Variants in EPHB2 observed in about 807,000 individuals in gnomAD.
EPHB2 encodes ephrin type-B receptor 2.
A neutral mutation model predicts 96.4 loss-of-function variants in EPHB2; 18 were observed. That is an observed-to-expected ratio of 0.19 (90% CI 0.13 to 0.28). EPHB2 has a LOEUF of 0.28. EPHB2 is among the 10% of genes least tolerant of loss of function. The probability of loss-of-function intolerance (pLI) is 1.00; values close to 1 mark genes in which losing one functional copy is unlikely to be tolerated. For missense variants in EPHB2, 989 were observed against 1,355.4 expected, an observed-to-expected ratio of 0.73 and a Z score of 4.25; for synonymous variants, 506 against 534.1, an observed-to-expected ratio of 0.95 and a Z score of 0.72.
intron 1 of EPHB2, among the ~76,000 whole-genome samples, chr1:22,742,156 C>T (rs1178756062): frequency 1.3e-5 from 2 of 152,132 alleles, no homozygotes; most frequent in Admixed American, 1.3e-4. Context: ...CCTCCTGGCC[C>T]ATATGAGCCC....
intron 1 of EPHB2, among the ~76,000 whole-genome samples, chr1:22,713,279 G>A (rs908093557): frequency 1.3e-5 from 2 of 152,176 alleles, no homozygotes; most frequent in African/African-American, 4.8e-5. Context: ...GGGAGATGGT[G>A]TGAGGTGGAG....
intron 1 of EPHB2, among the ~76,000 whole-genome samples, chr1:22,724,582 A>G (rs1643541621): frequency 6.6e-6 from 1 of 152,196 alleles, no homozygotes; most frequent in Admixed American, 6.5e-5. Flanking sequence ...TCGTTGCAAA[A>G]TAAGAAGTTG....
chr1:22,867,067 A>G (rs996908843), intron 5 of EPHB2, among the ~76,000 whole-genome samples: 6 of 152,238 alleles, frequency 3.9e-5, no homozygotes, highest in African/African-American at 1.4e-4. Context: ...GATGATGCTC[A>G]GACAAGTTGA....
chr1:22,713,890 T>G (rs948676478), intron 1 of EPHB2, among the ~76,000 whole-genome samples: 18 of 152,032 alleles, frequency 1.2e-4, no homozygotes, highest in African/African-American at 4.3e-4. Context: ...CCCCAAACTG[T>G]GAGACCGCCC....
At chr1:22,905,966 G>C (rs1639898331) in intron 9 of EPHB2, 21 bp from the exon 10 acceptor site, 2 of 1,614,056 alleles carry the variant, frequency 1.2e-6, no homozygotes, top group African/African-American at 2.7e-5. Context: ...CCATATGACA[G>C]AGCCTGGTCT....
chr1:22,900,910 C>T (rs542902945), intron 9 of EPHB2, among the ~76,000 whole-genome samples: 149 of 152,266 alleles, frequency 9.8e-4, no homozygotes, highest in African/African-American at 3.3e-3. Context: ...CCACACGGCC[C>T]CATGGTTTCC....
At chr1:22,870,026 A>G (rs986430239) in intron 5 of EPHB2, among the ~76,000 whole-genome samples, 46 of 152,248 alleles carry the variant, frequency 3.0e-4, no homozygotes, top group African/African-American at 1.1e-3. Context: ...GGGTGTGGAG[A>G]AGTGCAATCG....
intron 5 of EPHB2, among the ~76,000 whole-genome samples, chr1:22,868,462 A>C (rs1405080261): frequency 6.6e-6 from 1 of 152,092 alleles, no homozygotes; most frequent in Admixed American, 6.5e-5. Flanking sequence ...TTAAACAATA[A>C]ATATTTATTT....
intron 3 of EPHB2, among the ~76,000 whole-genome samples, chr1:22,787,135 G>C (rs1644623740): frequency 6.6e-6 from 1 of 152,198 alleles, no homozygotes. Flanking sequence ...TCTAGCAAGG[G>C]AGACAGACAA....
chr1:22,917,729 AG>A lies in EPHB2; in HGVS notation c.*4161del, dbSNP rs1640302960. ...AACACAGCCAGGAAGGAGCAGAGCA[AG>A]GCCATGAGCTTTGGATTTTTCTGTT... On this transcript the variant is annotated 3_prime_UTR_variant, in exon 16 of 16. Transcript: ENST00000374630. 6.6e-6 allele frequency: 1 copy of A among 152,326 alleles called. No individual in the cohort carries two copies. The highest frequency in any genetic ancestry group is 2.4e-5 in the African/African-American group (1 of 41,470). The allele number at this position is 152,326 out of a possible 1,614,324, so 9.4% of individuals were successfully genotyped here.
At chr1:22,797,435 C>A (rs1343821021) in intron 3 of EPHB2, among the ~76,000 whole-genome samples, 6 of 152,308 alleles carry the variant, frequency 3.9e-5, no homozygotes, top group Admixed American at 6.5e-5. Flanking sequence ...CCACCTCTCG[C>A]TCTGAGCCCT....
intron 3 of EPHB2, among the ~76,000 whole-genome samples, chr1:22,798,421 G>A (rs1644797749): frequency 6.6e-6 from 1 of 151,914 alleles, no homozygotes; most frequent in African/African-American, 2.4e-5. Flanking sequence ...AATCCCTCTT[G>A]GAGCTAGAGG....
chr1:22,720,672 C>A, intron 1 of EPHB2, among the ~76,000 whole-genome samples: 1 of 120,760 alleles, frequency 8.3e-6, no homozygotes, highest in East Asian at 3.2e-4. Context: ...CCCCCCCCCC[C>A]CGCCCCAGCA....
intron 1 of EPHB2, among the ~76,000 whole-genome samples, chr1:22,724,218 C>T (rs1034544228): frequency 1.3e-5 from 2 of 152,218 alleles, no homozygotes; most frequent in African/African-American, 2.4e-5. Context: ...ACTCCCTCTG[C>T]TCCCCTTTCC....
intron 7 of EPHB2, among the ~76,000 whole-genome samples, chr1:22,894,474 G>A (rs546794886): frequency 2.0e-4 from 30 of 152,068 alleles, no homozygotes; most frequent in African/African-American, 7.2e-4. Context: ...GCAGGCACCT[G>A]TAGTCACAGC....
chr1:22,778,654 G>T (rs185602361), intron 1 of EPHB2, among the ~76,000 whole-genome samples: 1 of 152,300 alleles, frequency 6.6e-6, no homozygotes, highest in Admixed American at 6.5e-5. Flanking sequence ...CATGTCCTTT[G>T]CGTTCCCTTT....
At chr1:22,753,606 G>T (rs908605634) in intron 1 of EPHB2, among the ~76,000 whole-genome samples, 2 of 152,166 alleles carry the variant, frequency 1.3e-5, no homozygotes, top group Admixed American at 6.5e-5. Flanking sequence ...AGGCACAAGC[G>T]TGGAGTGCGG....
intron 1 of EPHB2, among the ~76,000 whole-genome samples, chr1:22,740,017 G>A (rs758259896): frequency 6.6e-5 from 10 of 152,190 alleles, no homozygotes; most frequent in East Asian, 3.9e-4. Context: ...GAAACCAGGC[G>A]CTGAGGCAGG....
chr1:22,892,560 A>G (rs551165931), intron 6 of EPHB2, among the ~76,000 whole-genome samples: 1 of 152,298 alleles, frequency 6.6e-6, no homozygotes, highest in Non-Finnish European at 1.5e-5. Context: ...GCAGAAGCAC[A>G]AGAGGCCAAG....
Sources: gnomAD v4.1 joint callset for allele counts (sites outside exome capture counted in the v4.1 genomes callset) on GRCh38, gnomAD v4.1.1 for gene constraint, MANE v1.5 for transcripts, NCBI Gene and HGNC (gene_info 2026-07-23, HGNC 2026-07-21) for gene names.